Variants in ANAPC15 observed in about 807,000 individuals in gnomAD.
The protein encoded by ANAPC15 is anaphase promoting complex subunit 15, also known as anaphase-promoting complex subunit 15.
ANAPC15 carries 13 observed loss-of-function variants against 19.8 expected under a neutral mutation model. The observed-to-expected ratio is 0.66, with a 90% confidence interval of 0.43 to 1.04. The LOEUF (loss-of-function observed/expected upper bound fraction) is 1.04, where lower values mean the gene tolerates loss of function less well. Ranked by LOEUF, ANAPC15 falls within the 50% of genes least tolerant of loss-of-function variation. ANAPC15 has a pLI of 0.00. For synonymous variants in ANAPC15, 45 were observed against 50.7 expected, an observed-to-expected ratio of 0.89 and a Z score of 0.47; for missense variants, 88 against 150.3, an observed-to-expected ratio of 0.59 and a Z score of 2.17.
At chr11:72,112,183 C>T (rs1278439365) in intron 1 of ANAPC15, 1 of 154,104 alleles carries the variant, frequency 6.5e-6, no homozygotes, top group African/African-American at 2.4e-5. Context: ...TCTCAGATTC[C>T]CAACCCGCGT....
At chr11:72,108,868 A>C, downstream of ANAPC15, 1 of 1,550,328 alleles carries the variant, frequency 6.5e-7, no homozygotes, top group Non-Finnish European at 8.7e-7. Context: ...CTGGCCTTCC[A>C]GACTTCCCTG....
At chr11:72,109,571 A>T (rs1340369232), downstream of ANAPC15, 9 of 486,168 alleles carry the variant, frequency 1.9e-5, no homozygotes, top group Non-Finnish European at 3.0e-5. Flanking sequence ...ACCAACAAAT[A>T]GGGAATAGAC....
Position 72,109,644 on chromosome 11 carries a change from G to A in ANAPC15, c.*237C>T, listed in dbSNP as rs1453077537. 11 of 602,192 alleles carry A rather than the reference G, an allele frequency of 1.8e-5. No individual in the cohort carries two copies. The highest frequency in any genetic ancestry group is 4.4e-4 in the Middle Eastern group (1 of 2,272). 37.3% of individuals were successfully genotyped at this position (602,192 alleles called of 1,614,324 possible). ...ACTTAGACCAGACCTGGCAATCAAG[G>A]GGTGAGGTACTGGCCAGGAAGGTGG... On this transcript the variant is annotated 3_prime_UTR_variant, in exon 6 of 6. Transcript: ENST00000227618.
intron 3 of ANAPC15, 64 bp from the exon 4 acceptor site, chr11:72,110,667 C>T (rs932261223): frequency 1.9e-6 from 3 of 1,581,196 alleles, no homozygotes; most frequent in Non-Finnish European, 2.6e-6. Flanking sequence ...GGGCATGGGA[C>T]TGGCCCATTC....
In ANAPC15 at chr11:72,111,304, G is replaced by A. The variant is rs2135289650; in HGVS notation, c.-10-18C>T. 6.4e-7 allele frequency: 1 copy of A among 1,558,988 alleles called. No homozygotes were observed. Among genetic ancestry groups the A allele is most frequent in the Non-Finnish European group, 8.8e-7 (1 of 1,131,186 alleles). ...CTCCTAGACTGAGGGAAAGGGTCAA[G>A]TGAATGTGTTTTGCTTTGTTTTTGT... On this transcript the variant is annotated intron_variant, in intron 2 of 5. Transcript: ENST00000227618.
At chr11:72,108,567 C>A, downstream of ANAPC15, 1 of 1,421,908 alleles carries the variant, frequency 7.0e-7, no homozygotes, top group Middle Eastern at 1.8e-4. Flanking sequence ...GAGAACAATT[C>A]CCCCCACCCT....
chr11:72,111,372 CA>C, intron 2 of ANAPC15, 39 bp downstream of exon 2: 1 of 1,075,290 alleles, frequency 9.3e-7, no homozygotes. Flanking sequence ...GGGTGGAAGA[CA>C]GCAGGAAAGC....
At chr11:72,109,071 C>G (rs553247286), downstream of ANAPC15, 6 of 688,186 alleles carry the variant, frequency 8.7e-6, no homozygotes, top group African/African-American at 1.1e-4. Context: ...TGACCTCTTT[C>G]AGCCTCTACA....
At position 72,109,916 on chromosome 11, in the gene ANAPC15, C is replaced by T. The variant is rs200715567; in HGVS notation, c.331G>A (p.Gly111Ser). 1 of 1,614,138 alleles carries T rather than the reference C, an allele frequency of 6.2e-7. No homozygotes were observed. Among genetic ancestry groups the T allele is most frequent in the African/African-American group, 1.3e-5 (1 of 75,044 alleles). ...CACTGGTCCTGATCCTGTTCGTTGC[C>T]TTCCATGTCCACCTGGAGAGGAGGC... is the stretch of plus-strand genomic sequence containing the variant. ...DGEVNEVDME[G>S]NEQDQDQWMI Residue 111 changes from glycine to serine, a missense_variant, in exon 6 of 6, where the codon GGC (glycine) becomes AGC (serine). Gly to Ser is a moderately conservative substitution (Grantham distance 56). Coordinates refer to ENST00000227618, the MANE Select transcript of ANAPC15 (RefSeq NM_014042.3).
downstream of ANAPC15, chr11:72,108,214 C>T: frequency 8.9e-7 from 1 of 1,125,370 alleles, no homozygotes; most frequent in Non-Finnish European, 1.2e-6. Context: ...GAGAAGGAAG[C>T]ACCTCCACTC....
Position 72,110,202 on chromosome 11 carries a change from CTCT to C in ANAPC15, c.201_203del (p.Glu68del). 4 of 1,614,062 alleles carry C rather than the reference CTCT, an allele frequency of 2.5e-6. No homozygotes were observed. Among genetic ancestry groups the C allele is most frequent in the Non-Finnish European group, 3.4e-6 (4 of 1,180,022 alleles). ...CACTATCCTCATCATCTTCATCATC[CTCT>C]TCTTCCTCGTCATCATAGTGCTGGT... On this transcript the variant is annotated inframe_deletion, in exon 5 of 6. Coordinates refer to ENST00000227618, the MANE Select transcript of ANAPC15 (RefSeq NM_014042.3).
At chr11:72,108,726 A>G, downstream of ANAPC15, 1 of 1,550,294 alleles carries the variant, frequency 6.5e-7, no homozygotes, top group Non-Finnish European at 8.7e-7. Context: ...AGGGACCTGC[A>G]GCTGCTGGAG....
chr11:72,108,592 C>G (rs534993150), downstream of ANAPC15: 28 of 1,445,846 alleles, frequency 1.9e-5, no homozygotes, highest in South Asian at 3.3e-4. Flanking sequence ...TCCAGCTCCC[C>G]CTATCCCCAC....
downstream of ANAPC15, chr11:72,107,777 G>C (rs1353821730): frequency 3.8e-6 from 3 of 793,704 alleles, no homozygotes; most frequent in African/African-American, 5.2e-5. Flanking sequence ...GGGACCAGGA[G>C]GGCAGCTGGG....
downstream of ANAPC15, chr11:72,108,765 C>T: frequency 6.4e-7 from 1 of 1,550,462 alleles, no homozygotes; most frequent in Non-Finnish European, 8.7e-7. Flanking sequence ...GCAGGTGCCA[C>T]CGTGCTGGCT....
chr11:72,107,937 C>T (rs762128762), downstream of ANAPC15: 12 of 1,551,558 alleles, frequency 7.7e-6, no homozygotes, highest in East Asian at 4.9e-5. Context: ...GATCCTGATG[C>T]GGCTGGTGGA....
downstream of ANAPC15, chr11:72,108,662 C>CAGCT (rs797044907): frequency 2.6e-6 from 4 of 1,526,086 alleles, no homozygotes; most frequent in South Asian, 5.0e-5. Context: ...CACCCAGTAT[C>CAGCT]AGCTGAGTCG....
At chr11:72,110,845 T>C (rs1181338488) in intron 3 of ANAPC15, 3 of 583,734 alleles carry the variant, frequency 5.1e-6, no homozygotes, top group Admixed American at 3.2e-5. Context: ...GAGAGACTTA[T>C]CAGCCTAGAA....
chr11:72,108,066 A>G (rs1945884717), downstream of ANAPC15: 2 of 1,543,184 alleles, frequency 1.3e-6, no homozygotes, highest in Non-Finnish European at 1.8e-6. Context: ...GGACCCACGC[A>G]CGGCAGCAGT....
Sources: gnomAD v4.1 joint callset for allele counts on GRCh38, gnomAD v4.1.1 for gene constraint, MANE v1.5 for transcripts, NCBI Gene and HGNC (gene_info 2026-07-23, HGNC 2026-07-21) for gene names.